GALNT17: variants seen among roughly 807,000 people sequenced by gnomAD.
The protein encoded by GALNT17 is polypeptide N-acetylgalactosaminyltransferase 17.
In GALNT17, 29 loss-of-function variants were observed where a neutral mutation model predicts 63.7. The ratio of observed to expected loss-of-function variants is 0.46; its 90% confidence interval spans 0.34 to 0.62. GALNT17 has a LOEUF of 0.62. GALNT17 is among the 20% of genes least tolerant of loss of function. The probability of loss-of-function intolerance (pLI) is 0.01; values close to 1 mark genes in which losing one functional copy is unlikely to be tolerated. For missense variants in GALNT17, 603 were observed against 799.6 expected, an observed-to-expected ratio of 0.75 and a Z score of 2.97; for synonymous variants, 305 against 318.3, an observed-to-expected ratio of 0.96 and a Z score of 0.45.
At chr7:71,411,561 G>A (rs1318053563) in intron 3 of GALNT17, among the ~76,000 whole-genome samples, 1 of 152,032 alleles carries the variant, frequency 6.6e-6, no homozygotes, top group Non-Finnish European at 1.5e-5. Flanking sequence ...CTCTTCTTCG[G>A]TTTCTCTCCG....
intron 5 of GALNT17, among the ~76,000 whole-genome samples, chr7:71,463,893 A>G (rs1230033026): frequency 6.6e-6 from 1 of 152,084 alleles, no homozygotes; most frequent in Non-Finnish European, 1.5e-5. Flanking sequence ...CTTTACTGCA[A>G]CCCGTTTTAT....
intron 5 of GALNT17, among the ~76,000 whole-genome samples, chr7:71,440,956 A>G (rs528472764): frequency 3.3e-5 from 5 of 152,116 alleles, no homozygotes; most frequent in Non-Finnish European, 7.4e-5. Flanking sequence ...AAATACAGGA[A>G]CATATGACTA....
chr7:71,572,504 T>TTA (rs1554310718), intron 6 of GALNT17, among the ~76,000 whole-genome samples: 1 of 44,502 alleles, frequency 2.2e-5, no homozygotes, highest in Non-Finnish European at 3.7e-5. Flanking sequence ...CCTGTCTCAT[T>TTA]AAAAAAAAAA....
intron 3 of GALNT17, among the ~76,000 whole-genome samples, chr7:71,415,617 C>T (rs531019207): frequency 9.9e-5 from 15 of 152,240 alleles, no homozygotes; most frequent in South Asian, 2.1e-4. Context: ...GGACGTCTGC[C>T]GGCTCATAGC....
chr7:71,170,231 C>T (rs1033123411), intron 1 of GALNT17, among the ~76,000 whole-genome samples: 2 of 152,148 alleles, frequency 1.3e-5, no homozygotes, highest in African/African-American at 4.8e-5. Flanking sequence ...TTTTCACTTC[C>T]ATAAGAATAT....
intron 1 of GALNT17, among the ~76,000 whole-genome samples, chr7:71,159,559 A>T (rs1788301832): frequency 6.6e-6 from 1 of 150,502 alleles, no homozygotes; most frequent in Non-Finnish European, 1.5e-5. Flanking sequence ...TTATGCAATT[A>T]TATAACAAGC....
chr7:71,133,239 T>C (rs1448366715), intron 1 of GALNT17, among the ~76,000 whole-genome samples, 199 bp downstream of exon 1: 1 of 152,212 alleles, frequency 6.6e-6, no homozygotes, highest in Non-Finnish European at 1.5e-5. Context: ...GATTCTTTTC[T>C]GTGCCCCACC....
intron 6 of GALNT17, among the ~76,000 whole-genome samples, chr7:71,587,961 C>T (rs1390023595): frequency 1.3e-5 from 2 of 152,174 alleles, no homozygotes; most frequent in Non-Finnish European, 2.9e-5. Flanking sequence ...GAAGAAGTTC[C>T]TGTCCTGTCT....
intron 1 of GALNT17, among the ~76,000 whole-genome samples, chr7:71,217,159 T>C (rs1274632875): frequency 6.7e-6 from 1 of 150,244 alleles, no homozygotes; most frequent in East Asian, 1.9e-4. Context: ...TTTTTTTTTT[T>C]TTTTTTGAGA....
chr7:71,696,804 A>G (rs573980515), intron 9 of GALNT17, among the ~76,000 whole-genome samples: 2 of 152,342 alleles, frequency 1.3e-5, no homozygotes, highest in African/African-American at 2.4e-5. Context: ...GAGTAATCCC[A>G]TTCACTTCCA....
intron 1 of GALNT17, among the ~76,000 whole-genome samples, chr7:71,133,851 G>A (rs529644644): frequency 6.6e-6 from 1 of 152,278 alleles, no homozygotes; most frequent in South Asian, 2.1e-4. Context: ...ACCTACCTGA[G>A]TACAGGCAGG....
intron 1 of GALNT17, among the ~76,000 whole-genome samples, chr7:71,250,946 T>A (rs1253546807): frequency 6.6e-6 from 1 of 152,256 alleles, no homozygotes; most frequent in South Asian, 2.1e-4. Context: ...TGCCAGATTA[T>A]GTTTTTGTGT....
In GALNT17 at chr7:71,669,685, C is replaced by T. The variant is rs188100731; in HGVS notation, c.1267-287C>T. Among the ~76,000 whole-genome samples the T allele has an allele frequency of 3.2e-4, 48 of 151,674 alleles. No homozygotes were observed. The East Asian group carries it at 8.3e-3, about 26-fold the overall frequency. On this transcript the variant is annotated intron_variant, in intron 7 of 10. Transcript: ENST00000333538. ...TAAGTGATTCTCGTGCCTCAGCCTC[C>T]TGAGTAGCTGAGATTACAGGTGCCC...
At chr7:71,600,977 G>T (rs1275302782) in intron 6 of GALNT17, among the ~76,000 whole-genome samples, 4 of 151,992 alleles carry the variant, frequency 2.6e-5, no homozygotes, top group Non-Finnish European at 4.4e-5. Context: ...CATCCTCAGA[G>T]CTTAGCTCCC....
intron 6 of GALNT17, among the ~76,000 whole-genome samples, chr7:71,578,568 C>CT (rs1789577046): frequency 6.6e-6 from 1 of 152,128 alleles, no homozygotes; most frequent in Non-Finnish European, 1.5e-5. Flanking sequence ...TGTCAAACTC[C>CT]TGACCTCAAG....
intron 1 of GALNT17, among the ~76,000 whole-genome samples, chr7:71,259,630 TGTTTTTTG>T (rs1562953580): frequency 1.4e-4 from 20 of 140,490 alleles, no homozygotes; most frequent in African/African-American, 5.3e-4. Flanking sequence ...GGTCCTGTTT[TGTTTTTTG>T]TTTTTTTGTT....
chr7:71,193,949 A>C (rs1788999960), intron 1 of GALNT17, among the ~76,000 whole-genome samples: 1 of 152,136 alleles, frequency 6.6e-6, no homozygotes, highest in African/African-American at 2.4e-5. Flanking sequence ...TATCGATGTG[A>C]TATTTTAGAG....
rs574790742 is a variant in GALNT17, at chr7:71,310,081, G to T, written c.239-25469G>T. 2.1e-4 allele frequency among the ~76,000 whole-genome samples: 32 copies of T among 152,312 alleles called. No individual in the cohort carries two copies. In the South Asian group the frequency reaches 6.2e-3, roughly 30 times the overall value. ...CCGCCATCTGTGTAAGACGTGACTT[G>T]CTCCTCCTTGCCTTCTGTCATGATT... On this transcript the variant is annotated intron_variant, in intron 1 of 10. Transcript: ENST00000333538.
Position 71,571,978 on chromosome 7 carries a change from C to T in GALNT17, c.1080+576C>T, listed in dbSNP as rs1584059517. On this transcript the variant is annotated intron_variant, in intron 6 of 10. Transcript: ENST00000333538. ...AGTGAGCTATGATGGCATCACTGCACTCTAGCCTGGGCAACAGAGCAAGAG... is the reference window on the plus strand; with the variant it reads ...AGTGAGCTATGATGGCATCACTGCATTCTAGCCTGGGCAACAGAGCAAGAG... Among the ~76,000 whole-genome samples, 3 of 151,626 alleles carry T rather than the reference C, an allele frequency of 2.0e-5. No homozygotes were observed. The South Asian group carries it at 6.3e-4, about 32-fold the overall frequency.
Sources: allele counts gnomAD v4.1 joint callset (sites outside exome capture counted in the v4.1 genomes callset), GRCh38; gene constraint gnomAD v4.1.1; transcripts MANE v1.5; gene names NCBI Gene and HGNC (gene_info 2026-07-23, HGNC 2026-07-21).